The following ASH1L variants were observed in gnomAD, a reference collection of about 807,000 sequenced individuals.
ASH1L encodes the protein histone-lysine N-methyltransferase ASH1L.
ASH1L carries 23 observed loss-of-function variants against 269.0 expected under a neutral mutation model. That is an observed-to-expected ratio of 0.09 (90% confidence interval 0.06 to 0.12). The LOEUF (loss-of-function observed/expected upper bound fraction) is 0.12. Ranked by LOEUF, ASH1L falls within the 10% of genes least tolerant of loss-of-function variation. ASH1L has a pLI of 1.00. For missense variants in ASH1L, 2,912 were observed against 3,567.8 expected, an observed-to-expected ratio of 0.82 and a Z score of 4.68; for synonymous variants, 1,187 against 1,253.5, an observed-to-expected ratio of 0.95 and a Z score of 1.12.
chr1:155,433,111 C>T (rs767018870), intron 5 of ASH1L: 83 of 1,367,796 alleles, frequency 6.1e-5, no homozygotes, highest in Non-Finnish European at 7.9e-5. Flanking sequence ...CCAAAATAGA[C>T]TGATAGAAAG....
chr1:155,356,594 C>CACTGCACT (rs1654407132), intron 15 of ASH1L, among the ~76,000 whole-genome samples: 1 of 150,062 alleles, frequency 6.7e-6, no homozygotes, highest in Non-Finnish European at 1.5e-5. Context: ...GAGATTGCAC[C>CACTGCACT]ACTGCACTAC....
At chr1:155,347,051 T>C (rs771321848) in intron 20 of ASH1L, among the ~76,000 whole-genome samples, 4 of 152,222 alleles carry the variant, frequency 2.6e-5, no homozygotes, top group Non-Finnish European at 5.9e-5. Flanking sequence ...TATGAAATAC[T>C]GTCATTTTCC....
intron 1 of ASH1L, among the ~76,000 whole-genome samples, chr1:155,543,913 C>T (rs1348164596): frequency 1.3e-5 from 2 of 152,022 alleles, no homozygotes. Flanking sequence ...GCACTCCAGC[C>T]TAGGCGAAAG....
chr1:155,521,339 C>A lies in ASH1L; in HGVS notation c.181G>T (p.Gly61Trp), dbSNP rs1244265447. 1 of 1,614,136 alleles carries A rather than the reference C, an allele frequency of 6.2e-7. No individual in the cohort carries two copies. Among genetic ancestry groups the A allele is most frequent in the South Asian group, 1.1e-5 (1 of 91,084 alleles). ...KRNRERNIEA[G>W]KDDGLTDAQQ... ...GCATCAGTCAAACCATCATCTTTCCCAGCTTCGATGTTTCTTTCTCGATTC... is the reference window on the plus strand; with the variant it reads ...GCATCAGTCAAACCATCATCTTTCCAAGCTTCGATGTTTCTTTCTCGATTC... The change falls in exon 2 of 28, where the codon GGG (glycine) becomes TGG (tryptophan). Residue 61 changes from glycine to tryptophan, a missense_variant. This residue lies in a region of ASH1L where 115 missense variants were observed against 101.5 expected (regional missense o/e 1.13). Transcript: ENST00000392403.
intron 1 of ASH1L, among the ~76,000 whole-genome samples, chr1:155,553,440 G>A (rs1671350678): frequency 6.6e-6 from 1 of 152,072 alleles, no homozygotes; most frequent in Non-Finnish European, 1.5e-5. Context: ...TAATTACAAA[G>A]GCCAACCTTA....
At chr1:155,350,723 C>T (rs1653822099) in intron 17 of ASH1L, among the ~76,000 whole-genome samples, 1 of 151,686 alleles carries the variant, frequency 6.6e-6, no homozygotes, top group Non-Finnish European at 1.5e-5. Flanking sequence ...GAGATCAAGA[C>T]CATCCTGGCT....
At chr1:155,505,477 G>A (rs993455652) in intron 2 of ASH1L, among the ~76,000 whole-genome samples, 3 of 152,060 alleles carry the variant, frequency 2.0e-5, no homozygotes, top group African/African-American at 7.2e-5. Flanking sequence ...TAGAGACTAT[G>A]GGCAAAGTTA....
Position 155,438,977 on chromosome 1 carries a change from G to T in ASH1L, c.5178C>A (p.Asp1726Glu). The change falls in exon 5 of 28, where the codon GAC (aspartate) becomes GAA (glutamate). Residue 1726 changes from aspartate (D) to glutamate (E), a missense_variant. By Grantham distance (45) the Asp-to-Glu change is conservative. Transcript: ENST00000392403. ...SLLQRMVQNE[D>E]QEPMEKSIDA... is the part of the protein sequence containing the mutation. ...CAATACTTTTCTCCATGGGCTCTTG[G>T]TCCTCATTTTGTACCATCCGCTGCA... 1 of 1,614,144 alleles carries T rather than the reference G, an allele frequency of 6.2e-7. No individual in the cohort carries two copies. Among genetic ancestry groups the T allele is most frequent in the African/African-American group, 1.3e-5 (1 of 75,046 alleles).
At chr1:155,526,140 T>C (rs1017256666) in intron 1 of ASH1L, among the ~76,000 whole-genome samples, 5 of 152,190 alleles carry the variant, frequency 3.3e-5, no homozygotes, top group African/African-American at 1.2e-4. Flanking sequence ...TAGGAACCTC[T>C]TCTGGCTTGC....
At chr1:155,353,808 C>T (rs1359741227) in intron 16 of ASH1L, among the ~76,000 whole-genome samples, 1 of 152,084 alleles carries the variant, frequency 6.6e-6, no homozygotes, top group Non-Finnish European at 1.5e-5. Flanking sequence ...ATGACCTGTC[C>T]ACCCACTGAT....
intron 2 of ASH1L, among the ~76,000 whole-genome samples, chr1:155,519,670 G>A (rs1015020413): frequency 1.5e-4 from 23 of 151,890 alleles, no homozygotes; most frequent in African/African-American, 4.6e-4. Context: ...GAATTTTTTG[G>A]GGGGTGAGAT....
chr1:155,370,736 A>G, intron 11 of ASH1L, 41 bp downstream of exon 11: 1 of 1,612,926 alleles, frequency 6.2e-7, no homozygotes, highest in Non-Finnish European at 8.5e-7. Context: ...CTAATCTTAT[A>G]CCTTGGCATT....
At chr1:155,414,737 T>C (rs1018927320) in intron 6 of ASH1L, among the ~76,000 whole-genome samples, 2 of 152,222 alleles carry the variant, frequency 1.3e-5, no homozygotes, top group African/African-American at 2.4e-5. Context: ...TGTTTTGATA[T>C]ATGAAAAATC....
At chr1:155,348,537 C>G (rs997793913) in intron 19 of ASH1L, among the ~76,000 whole-genome samples, 2 of 152,118 alleles carry the variant, frequency 1.3e-5, no homozygotes, top group Non-Finnish European at 2.9e-5. Context: ...CTCCAATGAG[C>G]TTCAGCTATT....
upstream of ASH1L, chr1:155,563,143 G>A (rs1306823125): frequency 4.4e-6 from 2 of 457,264 alleles, no homozygotes; most frequent in Non-Finnish European, 8.8e-6. Context: ...GGATCGCGGC[G>A]AGCGGATCGA....
At chr1:155,430,303 CTCT>C (rs1661505119) in intron 5 of ASH1L, among the ~76,000 whole-genome samples, 1 of 152,032 alleles carries the variant, frequency 6.6e-6, no homozygotes, top group Non-Finnish European at 1.5e-5. Context: ...TAGATGTATC[CTCT>C]TCTGTTTGCA....
intron 2 of ASH1L, among the ~76,000 whole-genome samples, chr1:155,488,987 A>G (rs954536991): frequency 1.3e-5 from 2 of 152,240 alleles, no homozygotes; most frequent in African/African-American, 4.8e-5. Flanking sequence ...CATCAAAATA[A>G]ACAAGTGTAC....
At chr1:155,370,394 C>A in intron 12 of ASH1L, 110 bp downstream of exon 12, 4 of 1,423,540 alleles carry the variant, frequency 2.8e-6, no homozygotes, top group South Asian at 2.5e-5. Context: ...TAATGGGGAA[C>A]AGCCTGAGCT....
upstream of ASH1L, chr1:155,562,844 C>G (rs1486259845): frequency 4.1e-6 from 2 of 492,714 alleles, no homozygotes; most frequent in Non-Finnish European, 7.8e-6. Context: ...CCTCCCCCCC[C>G]TTCCCCGCCC....
Sources: allele counts gnomAD v4.1 joint callset (sites outside exome capture counted in the v4.1 genomes callset), GRCh38; gene constraint gnomAD v4.1.1; regional missense constraint gnomAD v4.1.1; transcripts MANE v1.5; gene names NCBI Gene and HGNC (gene_info 2026-07-23, HGNC 2026-07-21).